Variants in HS3ST4 observed in about 807,000 individuals in gnomAD.
The protein encoded by HS3ST4 is heparan sulfate glucosamine 3-O-sulfotransferase 4.
HS3ST4 carries 17 observed loss-of-function variants against 29.2 expected under a neutral mutation model. The observed-to-expected ratio is 0.58, with a 90% CI of 0.40 to 0.87. HS3ST4 has a LOEUF of 0.87. HS3ST4 is among the 40% of genes least tolerant of loss of function. The pLI is 0.00. For missense variants in HS3ST4, 627 were observed against 634.5 expected (o/e 0.99, Z 0.13); for synonymous variants, 314 against 285.7 (o/e 1.10, Z -1.00).
At chr16:25,865,713 G>T (rs7202841) in intron 1 of HS3ST4, among the ~76,000 whole-genome samples, 1 of 152,048 alleles carries the variant, frequency 6.6e-6, no homozygotes, top group Non-Finnish European at 1.5e-5. Flanking sequence ...CCAAGACCAT[G>T]CAATAGGGAA....
At chr16:25,841,404 G>T (rs2141644808) in intron 1 of HS3ST4, among the ~76,000 whole-genome samples, 1 of 152,158 alleles carries the variant, frequency 6.6e-6, no homozygotes, top group East Asian at 1.9e-4. Context: ...AGGCTCAGGG[G>T]ATCCTCCCAC....
intron 1 of HS3ST4, among the ~76,000 whole-genome samples, chr16:26,089,440 G>A (rs542228552): frequency 2.3e-4 from 35 of 152,304 alleles, no homozygotes; most frequent in Middle Eastern, 6.8e-3. Context: ...AACAGGAGCC[G>A]TAGAGATTAG....
At chr16:26,088,373 G>A (rs1898814704) in intron 1 of HS3ST4, among the ~76,000 whole-genome samples, 1 of 152,144 alleles carries the variant, frequency 6.6e-6, no homozygotes, top group African/African-American at 2.4e-5. Context: ...TAATTGTGGT[G>A]GTTAATTATT....
chr16:26,068,758 T>C (rs112753287), intron 1 of HS3ST4, among the ~76,000 whole-genome samples: 4 of 152,232 alleles, frequency 2.6e-5, no homozygotes, highest in African/African-American at 4.8e-5. Context: ...ACGAGATGTA[T>C]TTTGGCCTTT....
chr16:25,907,875 T>A (rs1300482374), intron 1 of HS3ST4, among the ~76,000 whole-genome samples: 1 of 152,276 alleles, frequency 6.6e-6, no homozygotes, highest in Admixed American at 6.5e-5. Context: ...CTTATTTTCC[T>A]CTTCCTTGAA....
intron 1 of HS3ST4, among the ~76,000 whole-genome samples, chr16:25,968,111 G>A (rs1240547987): frequency 2.0e-5 from 3 of 152,104 alleles, no homozygotes; most frequent in Non-Finnish European, 4.4e-5. Context: ...TGCTGGCTGG[G>A]GCAGATTTTA....
chr16:25,982,031 G>GACACACAC (rs140563160), intron 1 of HS3ST4, among the ~76,000 whole-genome samples: 1 of 104,638 alleles, frequency 9.6e-6, no homozygotes, highest in African/African-American at 2.5e-5. Context: ...CACATACTGA[G>GACACACAC]ACACACAGAC....
intron 1 of HS3ST4, among the ~76,000 whole-genome samples, chr16:25,795,736 G>C (rs1432376924): frequency 1.3e-5 from 2 of 152,130 alleles, no homozygotes; most frequent in African/African-American, 4.8e-5. Context: ...CAGGGGAACA[G>C]GCATCTCAGA....
intron 1 of HS3ST4, among the ~76,000 whole-genome samples, chr16:26,118,072 T>C (rs1473404582): frequency 1.3e-5 from 2 of 152,140 alleles, no homozygotes; most frequent in African/African-American, 2.4e-5. Flanking sequence ...CTCTTAGAGA[T>C]GGCCTTTTTA....
At chr16:25,848,387 G>A (rs1002471576) in intron 1 of HS3ST4, among the ~76,000 whole-genome samples, 25 of 152,008 alleles carry the variant, frequency 1.6e-4, no homozygotes, top group Admixed American at 6.6e-5. Flanking sequence ...TGATCCGTCC[G>A]CCTCAGCCTC....
chr16:26,005,955 A>G (rs966272731), intron 1 of HS3ST4, among the ~76,000 whole-genome samples: 6 of 152,122 alleles, frequency 3.9e-5, no homozygotes, highest in Non-Finnish European at 7.4e-5. Flanking sequence ...AACATCCCCA[A>G]ATGTCTCTTT....
chr16:25,845,647 G>GTAATAATAATAA (rs60639924), intron 1 of HS3ST4, among the ~76,000 whole-genome samples: 1,508 of 143,318 alleles, frequency 0.011, 9 homozygotes, highest in Non-Finnish European at 0.011. Flanking sequence ...GGAATAGCAT[G>GTAATAATAATAA]TAATAATAAT....
At position 26,134,232 on chromosome 16, in the gene HS3ST4, G is replaced by A. The variant is rs530883011; in HGVS notation, c.735-1380G>A. ...TATGGGATCTGTCAGTGGCTTTCTG[G>A]GCAATTTTGGGAGCAAAGAAAGAAT... On this transcript the variant is annotated intron_variant, in intron 1 of 1. Transcript: ENST00000331351. 1.2e-4 allele frequency among the ~76,000 whole-genome samples: 19 copies of A among 152,072 alleles called. No homozygotes were observed. The East Asian group carries it at 3.5e-3, about 28-fold the overall frequency.
At chr16:25,895,141 A>ATGTG (rs61699119) in intron 1 of HS3ST4, among the ~76,000 whole-genome samples, 18 of 148,698 alleles carry the variant, frequency 1.2e-4, no homozygotes, top group African/African-American at 4.0e-4. Context: ...GTGAGGCAGG[A>ATGTG]TGTGTGTGTG....
chr16:26,037,950 A>G (rs761579892), intron 1 of HS3ST4, among the ~76,000 whole-genome samples: 8 of 152,170 alleles, frequency 5.3e-5, no homozygotes, highest in Admixed American at 2.6e-4. Flanking sequence ...TTCAAAGCAT[A>G]TAACAGATCA....
intron 1 of HS3ST4, among the ~76,000 whole-genome samples, chr16:26,000,064 A>G (rs942993648): frequency 2.0e-5 from 3 of 151,614 alleles, no homozygotes; most frequent in Non-Finnish European, 2.9e-5. Flanking sequence ...ATCTGTTATC[A>G]TGCTGAGCCT....
At chr16:26,038,861 T>G (rs1171491658) in intron 1 of HS3ST4, among the ~76,000 whole-genome samples, 3 of 152,022 alleles carry the variant, frequency 2.0e-5, no homozygotes, top group Non-Finnish European at 4.4e-5. Context: ...TTCTTTGTAT[T>G]TTTAGTAGAG....
At chr16:26,021,050 T>G (rs1041298934) in intron 1 of HS3ST4, among the ~76,000 whole-genome samples, 1 of 152,224 alleles carries the variant, frequency 6.6e-6, no homozygotes, top group African/African-American at 2.4e-5. Context: ...TAAATGTGAT[T>G]GTTAATATTT....
At chr16:25,904,185 C>CAGATGAAT (rs1567269029) in intron 1 of HS3ST4, among the ~76,000 whole-genome samples, 2 of 112,766 alleles carry the variant, frequency 1.8e-5, no homozygotes, top group Non-Finnish European at 3.9e-5. Context: ...GATGGATGGA[C>CAGATGAAT]GGATGGACAG....
Sources: gnomAD v4.1 joint callset for allele counts (sites outside exome capture counted in the v4.1 genomes callset) on GRCh38, gnomAD v4.1.1 for gene constraint, MANE v1.5 for transcripts, NCBI Gene and HGNC (gene_info 2026-07-23, HGNC 2026-07-21) for gene names.